DIAPH2: variants seen among roughly 807,000 people sequenced by gnomAD.
DIAPH2 encodes the protein diaphanous related formin 2, also known as protein diaphanous homolog 2.
DIAPH2 carries 35 observed loss-of-function variants against 92.7 expected under a neutral mutation model. The ratio of observed to expected loss-of-function variants is 0.38; its 90% confidence interval spans 0.29 to 0.50. The LOEUF is 0.50. DIAPH2 is among the 20% of genes least tolerant of loss of function. DIAPH2 has a pLI of 0.94. For missense variants in DIAPH2, 701 were observed against 819.5 expected (o/e 0.86, Z 1.77); for synonymous variants, 301 against 280.4 (o/e 1.07, Z -0.73).
intron 5 of DIAPH2, among the ~76,000 whole-genome samples, chrX:96,898,975 A>C (rs1378424412): frequency 1.8e-5 from 2 of 108,873 alleles, no homozygotes; most frequent in African/African-American, 3.3e-5. Flanking sequence ...ACCATTTATT[A>C]AATAGGGAAT....
chrX:96,714,418 C>G (rs968461666), intron 1 of DIAPH2, among the ~76,000 whole-genome samples: 12 of 109,932 alleles, frequency 1.1e-4, no homozygotes, highest in African/African-American at 4.0e-4. Context: ...GCATGCGCCA[C>G]CACACCCGGC....
intron 25 of DIAPH2, among the ~76,000 whole-genome samples, chrX:97,410,912 G>A (rs2069864872): frequency 9.0e-6 from 1 of 111,553 alleles, no homozygotes; most frequent in African/African-American, 3.3e-5. Flanking sequence ...ATGTGAAAAG[G>A]CGAAATCTAC....
intron 21 of DIAPH2, among the ~76,000 whole-genome samples, chrX:97,126,231 C>A (rs1485323370): frequency 9.0e-6 from 1 of 111,447 alleles, no homozygotes; most frequent in East Asian, 2.8e-4. Context: ...TGAGACTGTT[C>A]CAAAAACATA....
chrX:97,471,644 C>T (rs1472781514), intron 26 of DIAPH2, among the ~76,000 whole-genome samples: 6 of 93,207 alleles, frequency 6.4e-5, no homozygotes, highest in Non-Finnish European at 8.2e-5. Flanking sequence ...GAGCCAAGAT[C>T]GCGCCATTGC....
chrX:96,841,222 G>A (rs1396130460), intron 4 of DIAPH2, among the ~76,000 whole-genome samples: 3 of 111,537 alleles, frequency 2.7e-5, no homozygotes, highest in Admixed American at 9.6e-5. Context: ...CGTTTATAGA[G>A]TCCTCTTCAC....
chrX:96,738,806 GC>G, intron 3 of DIAPH2, 44 bp downstream of exon 3: 1 of 1,053,668 alleles, frequency 9.5e-7, no homozygotes, highest in Non-Finnish European at 1.3e-6. Context: ...AAATGTGTGT[GC>G]CCAGAATAGC....
chrX:96,983,194 A>T (rs142800165), intron 17 of DIAPH2, among the ~76,000 whole-genome samples: 1 of 111,126 alleles, frequency 9.0e-6, no homozygotes, highest in East Asian at 2.8e-4. Flanking sequence ...TTTGATTTTT[A>T]GTAATAATGT....
chrX:97,175,553 G>A (rs2067485147), intron 22 of DIAPH2, among the ~76,000 whole-genome samples: 2 of 111,964 alleles, frequency 1.8e-5, no homozygotes, highest in Non-Finnish European at 3.8e-5. Context: ...TGCTAGCTGC[G>A]AGAATGGCAG....
intron 11 of DIAPH2, among the ~76,000 whole-genome samples, chrX:96,938,737 T>C (rs1421170447): frequency 8.9e-6 from 1 of 112,099 alleles, no homozygotes; most frequent in African/African-American, 3.2e-5. Flanking sequence ...CCATTTTTTA[T>C]CAAATAATGA....
At chrX:97,167,460 C>T (rs756924154) in intron 22 of DIAPH2, among the ~76,000 whole-genome samples, 6 of 111,305 alleles carry the variant, frequency 5.4e-5, no homozygotes, top group Admixed American at 9.6e-5. Context: ...CTGGAAACTA[C>T]TGTACACTCT....
At chrX:97,473,050 A>G (rs1437581007) in intron 26 of DIAPH2, among the ~76,000 whole-genome samples, 3 of 112,268 alleles carry the variant, frequency 2.7e-5, no homozygotes, top group Non-Finnish European at 5.6e-5. Flanking sequence ...TAACTATTCC[A>G]GATCTCATAG....
intron 17 of DIAPH2, among the ~76,000 whole-genome samples, chrX:97,041,620 G>A (rs887038363): frequency 2.2e-4 from 25 of 111,291 alleles, no homozygotes; most frequent in Non-Finnish European, 4.4e-4. Flanking sequence ...GTAAACTTTC[G>A]GCATTAAATC....
chrX:97,259,052 G>A lies in DIAPH2; in HGVS notation c.2844+11213G>A, dbSNP rs916639172. Among the ~76,000 whole-genome samples, 21 of 110,411 alleles carry A rather than the reference G, an allele frequency of 1.9e-4. 1 individual carries two copies. Among genetic ancestry groups the A allele is most frequent in the African/African-American group, 6.9e-4 (21 of 30,392 alleles). On this transcript the variant is annotated intron_variant, in intron 23 of 26. Transcript: ENST00000324765. ...GCAAATCACCTGAGGTCAGGAGTTC[G>A]AGACCAGCCTGGTGAACATGGTGAA... is the stretch of plus-strand genomic sequence containing the variant.
intron 22 of DIAPH2, among the ~76,000 whole-genome samples, chrX:97,237,158 C>T (rs756930995): frequency 6.2e-5 from 7 of 112,083 alleles, no homozygotes; most frequent in Non-Finnish European, 1.1e-4. Context: ...TTAGTCAACA[C>T]GTCTACATTC....
intron 22 of DIAPH2, among the ~76,000 whole-genome samples, chrX:97,164,809 G>T (rs2067399988): frequency 1.8e-5 from 2 of 112,190 alleles, no homozygotes; most frequent in African/African-American, 6.5e-5. Context: ...TTTATACAAT[G>T]AATGATATGA....
chrX:97,040,921 A>G (rs2066444527), intron 17 of DIAPH2, among the ~76,000 whole-genome samples: 2 of 110,737 alleles, frequency 1.8e-5, no homozygotes, highest in African/African-American at 6.5e-5. Context: ...AATATCTTGC[A>G]TTAGGGTAGT....
chrX:97,186,955 CT>C (rs2067609742), intron 22 of DIAPH2, among the ~76,000 whole-genome samples: 1 of 111,888 alleles, frequency 8.9e-6, no homozygotes, highest in African/African-American at 3.2e-5. Context: ...AAGTTATGTC[CT>C]TTTGCCTGTT....
intron 26 of DIAPH2, among the ~76,000 whole-genome samples, chrX:97,443,426 T>C (rs55919570): frequency 0.39 from 43,073 of 111,011 alleles, 5,987 homozygotes; most frequent in East Asian, 0.57. Flanking sequence ...ATTTTTAGCA[T>C]CTAGCACATA....
intron 25 of DIAPH2, among the ~76,000 whole-genome samples, chrX:97,428,813 T>C (rs2070097523): frequency 1.8e-5 from 2 of 111,705 alleles, no homozygotes; most frequent in African/African-American, 6.5e-5. Flanking sequence ...ATGCACAGTG[T>C]AATAGAGACT....
Sources: allele counts gnomAD v4.1 joint callset (sites outside exome capture counted in the v4.1 genomes callset), GRCh38; gene constraint gnomAD v4.1.1; transcripts MANE v1.5; gene names NCBI Gene and HGNC (gene_info 2026-07-23, HGNC 2026-07-21).